The following SLC39A10 variants were observed in gnomAD, a reference collection of about 807,000 sequenced individuals.
SLC39A10 encodes the protein zinc transporter ZIP10.
A neutral mutation model predicts 65.1 loss-of-function variants in SLC39A10; 13 were observed. The observed-to-expected ratio is 0.20, with a 90% CI of 0.13 to 0.32. The LOEUF (loss-of-function observed/expected upper bound fraction) is 0.32, where lower values mean the gene tolerates loss of function less well. SLC39A10 is among the 10% of genes least tolerant of loss of function. The pLI, the probability that SLC39A10 is intolerant of heterozygous loss-of-function variation, is 1.00. For synonymous variants in SLC39A10, 321 were observed against 342.2 expected, an observed-to-expected ratio of 0.94 and a Z score of 0.68; for missense variants, 831 against 1,018.4, an observed-to-expected ratio of 0.82 and a Z score of 2.50.
chr2:195,659,096 G>A (rs570127904), intron 1 of SLC39A10, among the ~76,000 whole-genome samples: 41 of 152,246 alleles, frequency 2.7e-4, no homozygotes, highest in African/African-American at 9.9e-4. Context: ...GCCTGCATTC[G>A]TAACTGAAGA....
chr2:195,703,215 G>C (rs1009848870), intron 3 of SLC39A10, among the ~76,000 whole-genome samples: 1 of 152,120 alleles, frequency 6.6e-6, no homozygotes, highest in East Asian at 1.9e-4. Flanking sequence ...AGTATAATAT[G>C]ACAATAGCTA....
At chr2:195,616,555 T>C (rs1688213804) in intron 2 of SLC39A10, among the ~76,000 whole-genome samples, 1 of 151,868 alleles carries the variant, frequency 6.6e-6, no homozygotes, top group African/African-American at 2.4e-5. Context: ...TCCTCCCACC[T>C]TGGCCCCTCA....
At chr2:195,643,800 T>C (rs1688856760) in intron 2 of SLC39A10, among the ~76,000 whole-genome samples, 1 of 152,256 alleles carries the variant, frequency 6.6e-6, no homozygotes, top group Admixed American at 6.5e-5. Context: ...TAAGTTGATG[T>C]ATCTCTGCTA....
At chr2:195,642,562 T>C (rs1688832798) in intron 2 of SLC39A10, among the ~76,000 whole-genome samples, 1 of 152,174 alleles carries the variant, frequency 6.6e-6, no homozygotes, top group Non-Finnish European at 1.5e-5. Context: ...GTCACCAGTA[T>C]ACAGACAGTA....
At chr2:195,621,802 C>G (rs1459572821) in intron 2 of SLC39A10, among the ~76,000 whole-genome samples, 1 of 152,016 alleles carries the variant, frequency 6.6e-6, no homozygotes, top group African/African-American at 2.4e-5. Context: ...GAGAAGTTAC[C>G]TATGATCATA....
At chr2:195,657,739 T>G (rs1429305805) in intron 1 of SLC39A10, 1 of 621,706 alleles carries the variant, frequency 1.6e-6, no homozygotes, top group East Asian at 1.4e-4. Context: ...TGGGGATCTG[T>G]AGGCAGGTCT....
intron 3 of SLC39A10, among the ~76,000 whole-genome samples, chr2:195,690,196 AAAAG>A (rs1559035715): frequency 1.4e-5 from 2 of 142,438 alleles, no homozygotes; most frequent in Admixed American, 7.0e-5. Context: ...AAAAAAAAAA[AAAAG>A]AAAGAAATTC....
At chr2:195,657,350 C>G (rs911634325) in intron 1 of SLC39A10, 69 bp downstream of exon 1, 21 of 978,872 alleles carry the variant, frequency 2.1e-5, no homozygotes, top group Admixed American at 6.1e-5. Context: ...GCGGAGACTG[C>G]GAGTCCCGGG....
At position 195,735,862 on chromosome 2, in the gene SLC39A10, TA is replaced by T. The variant is rs1692584295; in HGVS notation, c.*827del. The T allele has an allele frequency of 6.6e-6, 1 of 151,624 alleles. No individual in the cohort carries two copies. 9.4% of individuals were successfully genotyped at this position (151,624 alleles called of 1,614,324 possible). A position where few individuals can be genotyped will look rare whatever the true frequency, so the allele number is the denominator to read the frequency against. ...GAGGGTTTGGAGCATGTGGTCTTTTTAAAAAATTGTAACCCTCTAGAAAATA... is the reference window on the plus strand; with the variant it reads ...GAGGGTTTGGAGCATGTGGTCTTTTTAAAAATTGTAACCCTCTAGAAAATA... On this transcript the variant is annotated 3_prime_UTR_variant, in exon 10 of 10. Transcript: ENST00000359634.
chr2:195,681,846 A>C (rs6758985), intron 2 of SLC39A10, among the ~76,000 whole-genome samples: 9 of 152,162 alleles, frequency 5.9e-5, no homozygotes. Flanking sequence ...TTGTTAATTT[A>C]TTGAATTAAC....
intron 2 of SLC39A10, among the ~76,000 whole-genome samples, chr2:195,626,156 T>G (rs2105692418): frequency 6.6e-6 from 1 of 152,312 alleles, no homozygotes; most frequent in African/African-American, 2.4e-5. Flanking sequence ...TAAAACTAGG[T>G]GCTGATTTTA....
intron 1 of SLC39A10, among the ~76,000 whole-genome samples, chr2:195,659,153 C>T (rs563360885): frequency 7.2e-5 from 11 of 152,052 alleles, no homozygotes; most frequent in African/African-American, 2.7e-4. Flanking sequence ...CTTTTTTTAC[C>T]TGTCCATATT....
intron 1 of SLC39A10, among the ~76,000 whole-genome samples, chr2:195,667,392 T>A (rs1003268879): frequency 1.3e-5 from 2 of 152,204 alleles, no homozygotes; most frequent in Admixed American, 6.5e-5. Context: ...AATATTCTAA[T>A]GTCAGTGAAA....
intron 1 of SLC39A10, among the ~76,000 whole-genome samples, chr2:195,661,077 T>G (rs1292621107): frequency 6.6e-6 from 1 of 152,148 alleles, no homozygotes; most frequent in African/African-American, 2.4e-5. Context: ...AGTATTCAGT[T>G]TACACACAGA....
chr2:195,709,429 G>A (rs1210281885), intron 5 of SLC39A10, among the ~76,000 whole-genome samples: 6 of 151,866 alleles, frequency 4.0e-5, no homozygotes, highest in Non-Finnish European at 8.8e-5. Context: ...ACAGGGTTTT[G>A]CCATGTTGGC....
chr2:195,726,769 C>T lies in SLC39A10; in HGVS notation c.2147-1390C>T, dbSNP rs560057990. On this transcript the variant is annotated intron_variant, in intron 8 of 9. Coordinates refer to ENST00000359634, the MANE Select transcript of SLC39A10 (RefSeq NM_020342.3). ...TGTTATAGACTATGAACCTTGTAAC[C>T]ATGAGAGGTATAGAAGAATAATAGA... Among the ~76,000 whole-genome samples the T allele has an allele frequency of 7.1e-4, 108 of 152,184 alleles. 1 individual carries two copies. The highest frequency in any genetic ancestry group is 7.0e-3 in the Admixed American group (107 of 15,262).
Position 195,735,056 on chromosome 2 carries a change from C to G in SLC39A10, c.*15C>G. ...TCCAGTTTTGACCTTTCCCAGTAAT[C>G]ACTGTTGATTACGAGAATGTTACCA... is the stretch of plus-strand genomic sequence containing the variant. On this transcript the variant is annotated 3_prime_UTR_variant, in exon 10 of 10. Transcript: ENST00000359634. The G allele has an allele frequency of 3.1e-6, 5 of 1,605,866 alleles. No individual in the cohort carries two copies. Among genetic ancestry groups the G allele is most frequent in the Non-Finnish European group, 4.2e-6 (5 of 1,176,602 alleles).
Position 195,724,735 on chromosome 2 carries a change from T to C in SLC39A10, c.2147-3424T>C, listed in dbSNP as rs184416951. Among the ~76,000 whole-genome samples the C allele has an allele frequency of 4.4e-3, 674 of 152,286 alleles. 3 individuals carry two copies. The highest frequency in any genetic ancestry group is 7.0e-3 in the Non-Finnish European group (478 of 68,010). ...AGACTATTGTTAAGATGTTAATTTTTTCCTATAGACACAGTGCATTCTCAG... is the reference window on the plus strand; with the variant it reads ...AGACTATTGTTAAGATGTTAATTTTCTCCTATAGACACAGTGCATTCTCAG... On this transcript the variant is annotated intron_variant, in intron 8 of 9. Transcript: ENST00000359634.
At position 195,624,183 on chromosome 2, in the gene SLC39A10, C is replaced by T. The variant is rs940496765; in HGVS notation, c.-12+17950C>T. 2.7e-5 allele frequency among the ~76,000 whole-genome samples: 4 copies of T among 150,392 alleles called. No individual in the cohort carries two copies. In the South Asian group the frequency reaches 8.4e-4, roughly 32 times the overall value. The stretch of plus-strand genomic sequence containing the variant: ...GGTGAATCACATGAGGTTGGTAGTT[C>T]GAGACCAGCCTGACCAACATGGAGA... On this transcript the variant is annotated intron_variant, in intron 2 of 2. Coordinates refer to the SLC39A10 transcript ENST00000458054.
Sources: allele counts gnomAD v4.1 joint callset (sites outside exome capture counted in the v4.1 genomes callset), GRCh38; gene constraint gnomAD v4.1.1; transcripts MANE v1.5; gene names NCBI Gene and HGNC (gene_info 2026-07-23, HGNC 2026-07-21).